Variants in AP5B1 observed in about 807,000 individuals in gnomAD.
AP5B1 encodes the protein AP-5 complex subunit beta-1.
AP5B1 carries 3 observed loss-of-function variants against 5.7 expected under a neutral mutation model. The observed-to-expected ratio is 0.53, with a 90% CI of 0.24 to 1.36. The LOEUF is 1.36. AP5B1 is among the 40% of genes most tolerant of loss of function. AP5B1 has a pLI of 0.17. For synonymous variants in AP5B1, 696 were observed against 555.5 expected (o/e 1.25, Z -3.56); for missense variants, 1,310 against 1,143.2 (o/e 1.15, Z -2.10).
rs1182153304 is a variant in AP5B1, at chr11:65,780,276, C to A, written c.217G>T (p.Val73Leu). The stretch of plus-strand genomic sequence containing the variant: ...GTGTCCAACAGGGAGGTGGCGGCCA[C>A]TTCGGCCGCAGAGGCGTCGGGCCAC... ...QLWPDASAAE[V>L]AATSLLDTLV... Residue 73 changes from valine to leucine, a missense_variant, in exon 2 of 2, where the codon GTG becomes TTG. Transcript: ENST00000532090. The A allele has an allele frequency of 6.7e-7, 1 of 1,503,476 alleles. No homozygotes were observed. The allele number at this position is 1,503,476 out of a possible 1,614,324, so 93.1% of individuals were successfully genotyped here. A position where few individuals can be genotyped will look rare whatever the true frequency, so the allele number is the denominator to read the frequency against.
chr11:65,778,044 G>T lies in AP5B1; in HGVS notation c.2449C>A (p.Pro817Thr). 3 of 1,612,680 alleles carry T rather than the reference G, an allele frequency of 1.9e-6. No homozygotes were observed. The highest frequency in any genetic ancestry group is 2.5e-6 in the Non-Finnish European group (3 of 1,179,816). Residue 817 changes from proline (P) to threonine (T), a missense_variant, in exon 2 of 2, where the codon CCT (proline) becomes ACT (threonine). Pro to Thr is a conservative substitution (Grantham distance 38). Coordinates refer to ENST00000532090, the MANE Select transcript of AP5B1 (RefSeq NM_138368.5). Reference protein sequence around the residue: ...LEGLVSRHLEPFVVVAQPPTS... With the variant: ...LEGLVSRHLETFVVVAQPPTS... ...GGAGGCTGGGCCACCACCACAAAAG[G>T]CTCCAGGTGGCGGGACACCAAGCCC...
Position 65,778,368 on chromosome 11 carries a change from C to G in AP5B1, c.2125G>C (p.Ala709Pro), listed in dbSNP as rs752542139. The G allele has an allele frequency of 1.1e-5, 17 of 1,608,006 alleles. No individual in the cohort carries two copies. The South Asian group carries it at 1.8e-4, about 17-fold the overall frequency. Residue 709 changes from alanine to proline, a missense_variant, in exon 2 of 2, where the codon GCT becomes CCT. Ala to Pro is a conservative substitution (Grantham distance 27, BLOSUM62 -1). Transcript: ENST00000532090. ...VEGQLYAPLEAVHVPCLCPGR... is the reference protein window; with the variant it reads ...VEGQLYAPLEPVHVPCLCPGR... ...GGACACAGGCAGGGCACATGGACAG[C>G]CTCCAGGGGTGCATACAGCTGTCCT... is the stretch of plus-strand genomic sequence containing the variant.
Position 65,777,784 on chromosome 11 carries a change from C to G in AP5B1, c.*72G>C. ...GGCACTGCGGAATGCAGGGTTTTGG[C>G]GACAGAGCTACAGGAGTGTGCCTTG... On this transcript the variant is annotated 3_prime_UTR_variant, in exon 2 of 2. Coordinates refer to ENST00000532090, the MANE Select transcript of AP5B1 (RefSeq NM_138368.5). 1 of 1,425,980 alleles carries G rather than the reference C, an allele frequency of 7.0e-7. No individual in the cohort carries two copies. Among genetic ancestry groups the G allele is most frequent in the Non-Finnish European group, 9.2e-7 (1 of 1,084,226 alleles). 88.3% of individuals were successfully genotyped at this position (1,425,980 alleles called of 1,614,324 possible). A position where few individuals can be genotyped will look rare whatever the true frequency, so the allele number is the denominator to read the frequency against.
rs771359788 is a variant in AP5B1, at chr11:65,779,646, G to A, written c.847C>T (p.Pro283Ser). ...QLLDTSYLLT[P>S]VAQAQLLWLL... ...CACAGGAGCTGGGCCTGGGCCACAGGAGTGAGCAGATAGGAGGTGTCCAGA... is the reference window on the plus strand; with the variant it reads ...CACAGGAGCTGGGCCTGGGCCACAGAAGTGAGCAGATAGGAGGTGTCCAGA... Residue 283 changes from proline (P) to serine (S), a missense_variant, in exon 2 of 2, where the codon CCT (proline) becomes TCT (serine). Transcript: ENST00000532090. 4 of 1,611,752 alleles carry A rather than the reference G, an allele frequency of 2.5e-6. No homozygotes were observed. Among genetic ancestry groups the A allele is most frequent in the Admixed American group, 1.7e-5 (1 of 59,964 alleles).
At position 65,780,232 on chromosome 11, in the gene AP5B1, CG is replaced by C. The variant is rs1857832359; in HGVS notation, c.260del (p.Pro87ArgfsTer71). On this transcript the variant is annotated frameshift_variant, in exon 2 of 2. Transcript: ENST00000532090. LOFTEE classifies it low-confidence loss of function (END_TRUNC). Reference sequence around the variant, plus strand: ...GTGGCCGACGGAGAGCTGAGGGCCGCGGGGGTAGGAGGACCAAGGTGTCCAA... The same window carrying C: ...GTGGCCGACGGAGAGCTGAGGGCCGCGGGGTAGGAGGACCAAGGTGTCCAA... ...SLLDTLVLLP[P>X]RPSALRRPLL... 2 of 1,512,162 alleles carry C rather than the reference CG, an allele frequency of 1.3e-6. No homozygotes were observed. Among genetic ancestry groups the C allele is most frequent in the Admixed American group, 2.3e-5 (1 of 43,814 alleles). The allele number at this position is 1,512,162 out of a possible 1,614,324, so 93.7% of individuals were successfully genotyped here.
Position 65,777,869 on chromosome 11 carries a change from G to A in AP5B1, c.2624C>T (p.Ala875Val), listed in dbSNP as rs1292450291. Residue 875 changes from alanine to valine, a missense_variant, in exon 2 of 2, where the codon GCG (alanine) becomes GTG (valine). Transcript: ENST00000532090. ...GTCTCCCGGGGCTCAGACAGCAGCC[G>A]CCAGCCCACGGAGGTAGTCCCCCGC... ...PLAGDYLRGL[A>V]AAV 1.7e-5 allele frequency: 26 copies of A among 1,528,098 alleles called. No individual in the cohort carries two copies. The highest frequency in any genetic ancestry group is 8.6e-5 in the South Asian group (7 of 81,020). 94.7% of individuals were successfully genotyped at this position (1,528,098 alleles called of 1,614,324 possible). A position where few individuals can be genotyped will look rare whatever the true frequency, so the allele number is the denominator to read the frequency against.
At position 65,778,441 on chromosome 11, in the gene AP5B1, C is replaced by T. The variant is rs755401624; in HGVS notation, c.2052G>A (p.Pro684=). 1.5e-5 allele frequency: 24 copies of T among 1,574,402 alleles called. No homozygotes were observed. Among genetic ancestry groups the T allele is most frequent in the Non-Finnish European group, 1.9e-5 (22 of 1,164,860 alleles). ...KGPLPVLKLQ[P]EALEPIYSLE... is the part of the protein sequence containing the mutation. ...GAGAGTAGATGGGCTCCAGCGCCTCCGGCTGGAGCTTCAACACTGGGAGTG... is the reference window on the plus strand; with the variant it reads ...GAGAGTAGATGGGCTCCAGCGCCTCTGGCTGGAGCTTCAACACTGGGAGTG... Residue 684 remains proline, a synonymous_variant, in exon 2 of 2, where the codon CCG becomes CCA. Coordinates refer to ENST00000532090, the MANE Select transcript of AP5B1 (RefSeq NM_138368.5).
rs1293822264 is a variant in AP5B1, at chr11:65,777,887, T to C, written c.2606A>G (p.Asp869Gly). Residue 869 changes from aspartate to glycine, a missense_variant, in exon 2 of 2, where the codon GAC (aspartate) becomes GGC (glycine). Transcript: ENST00000532090. ...AGCAGCCGCCAGCCCACGGAGGTAG[T>C]CCCCCGCCAGGGGCAGCACGGCCCA... is the stretch of plus-strand genomic sequence containing the variant. ...DDWAVLPLAG[D>G]YLRGLAAAV 1 of 1,541,504 alleles carries C rather than the reference T, an allele frequency of 6.5e-7. No individual in the cohort carries two copies. Among genetic ancestry groups the C allele is most frequent in the South Asian group, 1.2e-5 (1 of 83,150 alleles).
chr11:65,777,890 C>G lies in AP5B1; in HGVS notation c.2603G>C (p.Gly868Ala). 6.5e-7 allele frequency: 1 copy of G among 1,543,912 alleles called. No homozygotes were observed. The highest frequency in any genetic ancestry group is 8.7e-7 in the Non-Finnish European group (1 of 1,142,990). The change falls in exon 2 of 2, where the codon GGG (glycine) becomes GCG (alanine). Residue 868 changes from glycine to alanine, a missense_variant. Physicochemically the swap from Gly to Ala is moderately conservative, Grantham distance 60. Transcript: ENST00000532090. Reference sequence around the variant, plus strand: ...AGCCGCCAGCCCACGGAGGTAGTCCCCCGCCAGGGGCAGCACGGCCCAGTC... The same window carrying G: ...AGCCGCCAGCCCACGGAGGTAGTCCGCCGCCAGGGGCAGCACGGCCCAGTC... Reference protein sequence around the residue: ...TDDWAVLPLAGDYLRGLAAAV With the variant: ...TDDWAVLPLAADYLRGLAAAV
At position 65,778,098 on chromosome 11, in the gene AP5B1, A is replaced by C; in HGVS notation, c.2395T>G (p.Trp799Gly). The C allele has an allele frequency of 6.2e-7, 1 of 1,612,816 alleles. No individual in the cohort carries two copies. The highest frequency in any genetic ancestry group is 8.5e-7 in the Non-Finnish European group (1 of 1,179,878). The change falls in exon 2 of 2, where the codon TGG becomes GGG. Residue 799 changes from tryptophan (W) to glycine (G), a missense_variant. Trp to Gly is a radical substitution (Grantham distance 184, BLOSUM62 -2). Coordinates refer to ENST00000532090, the MANE Select transcript of AP5B1 (RefSeq NM_138368.5). ...CLPEGAESRV[W>G]CPLGPQGLEG... ...AGGCCCTGTGGCCCAAGTGGACACC[A>C]CACACGACTCTCAGCACCCTCTGGC...
rs144173622 is a variant in AP5B1, at chr11:65,775,153, G to A, written c.*2703C>T. 2.6e-5 allele frequency among the ~76,000 whole-genome samples: 4 copies of A among 152,250 alleles called. No individual in the cohort carries two copies. Among genetic ancestry groups the A allele is most frequent in the African/African-American group, 9.6e-5 (4 of 41,552 alleles). On this transcript the variant is annotated 3_prime_UTR_variant, in exon 2 of 2. Coordinates refer to ENST00000532090, the MANE Select transcript of AP5B1 (RefSeq NM_138368.5). The stretch of plus-strand genomic sequence containing the variant: ...TGTATCCCAGAGAATTGTCCCATGG[G>A]TCCATAGGGGCATATAAGAATGGCC...
At position 65,780,015 on chromosome 11, in the gene AP5B1, A is replaced by G; in HGVS notation, c.478T>C (p.Cys160Arg). Residue 160 changes from cysteine to arginine, a missense_variant, in exon 2 of 2, where the codon TGC becomes CGC. By Grantham distance (180) the Cys-to-Arg change is radical. Transcript: ENST00000532090. ...ACECLRELESCKPGLLGGSLG... is the reference protein window; with the variant it reads ...ACECLRELESRKPGLLGGSLG... ...GAGCCCCCCAGCAGCCCGGGCTTGC[A>G]GCTCTCTAGCTCTCGCAGGCACTCG... The G allele has an allele frequency of 1.3e-6, 2 of 1,559,268 alleles. No homozygotes were observed. The highest frequency in any genetic ancestry group is 1.7e-6 in the Non-Finnish European group (2 of 1,152,072).
rs1188315707 is a variant in AP5B1, at chr11:65,777,963, G to C, written c.2530C>G (p.Leu844Val). The C allele has an allele frequency of 6.3e-7, 1 of 1,596,390 alleles. No individual in the cohort carries two copies. The highest frequency in any genetic ancestry group is 1.8e-5 in the Admixed American group (1 of 56,398). ...ACTCCATCTGCCAGGGCCGCCTCCA[G>C]CCGCAGCAGCAGCTTTGAGTCCGGG... ...LPPDSKLLLR[L>V]EAALADGVPV... is the part of the protein sequence containing the mutation. The change falls in exon 2 of 2, where the codon CTG (leucine) becomes GTG (valine). Residue 844 changes from leucine (L) to valine (V), a missense_variant. Leu to Val is a conservative substitution (Grantham distance 32, BLOSUM62 1). Transcript: ENST00000532090.
At position 65,780,085 on chromosome 11, in the gene AP5B1, G is replaced by A. The variant is rs1266916182; in HGVS notation, c.408C>T (p.Gly136=). The change falls in exon 2 of 2, where the codon GGC becomes GGT. Residue 136 remains glycine (G), a synonymous_variant. Coordinates refer to ENST00000532090, the MANE Select transcript of AP5B1 (RefSeq NM_138368.5). ...GGCGCTGTTCCGAGGCGGGGACAAAGCCTCGCCCCAGATCGCTACCCGCGG... is the reference window on the plus strand; with the variant it reads ...GGCGCTGTTCCGAGGCGGGGACAAAACCTCGCCCCAGATCGCTACCCGCGG... The part of the protein sequence containing the change: ...GLAAGSDLGR[G]FVPASEQRPL... The A allele has an allele frequency of 2.6e-6, 4 of 1,537,346 alleles. No homozygotes were observed. The highest frequency in any genetic ancestry group is 2.5e-5 in the East Asian group (1 of 40,354).
In AP5B1 at chr11:65,778,982, A is replaced by C. The variant is rs746633800; in HGVS notation, c.1511T>G (p.Phe504Cys). The C allele has an allele frequency of 1.2e-6, 2 of 1,612,392 alleles. No individual in the cohort carries two copies. Among genetic ancestry groups the C allele is most frequent in the Non-Finnish European group, 1.7e-6 (2 of 1,179,682 alleles). The part of the protein sequence containing the change: ...YQARPMLAPH[F>C]VDLLDQVDSE... ...GTCCACCTGATCCAAGAGGTCCACA[A>C]AGTGGGGAGCCAGCATGGGCCGGGC... Residue 504 changes from phenylalanine (F) to cysteine (C), a missense_variant, in exon 2 of 2, where the codon TTT becomes TGT. Coordinates refer to ENST00000532090, the MANE Select transcript of AP5B1 (RefSeq NM_138368.5).
In AP5B1 at chr11:65,777,921, T is replaced by C. The variant is rs560198876; in HGVS notation, c.2572A>G (p.Thr858Ala). The C allele has an allele frequency of 4.5e-6, 7 of 1,560,328 alleles. No homozygotes were observed. Among genetic ancestry groups the C allele is most frequent in the Non-Finnish European group, 6.1e-6 (7 of 1,153,128 alleles). The change falls in exon 2 of 2, where the codon ACC becomes GCC. Residue 858 changes from threonine to alanine, a missense_variant. By Grantham distance (58) the Thr-to-Ala change is moderately conservative (BLOSUM62 0). Coordinates refer to ENST00000532090, the MANE Select transcript of AP5B1 (RefSeq NM_138368.5). ...AGGGGCAGCACGGCCCAGTCATCGG[T>C]CCGCAGGGCCACAGGCACTCCATCT... ...LADGVPVALRTDDWAVLPLAG... is the reference protein window; with the variant it reads ...LADGVPVALRADDWAVLPLAG...
In AP5B1 at chr11:65,779,746, CT is replaced by C; in HGVS notation, c.746del (p.Glu249GlyfsTer23). 1 of 1,594,870 alleles carries C rather than the reference CT, an allele frequency of 6.3e-7. No homozygotes were observed. The highest frequency in any genetic ancestry group is 8.5e-7 in the Non-Finnish European group (1 of 1,170,370). On this transcript the variant is annotated frameshift_variant, in exon 2 of 2. Coordinates refer to ENST00000532090, the MANE Select transcript of AP5B1 (RefSeq NM_138368.5). LOFTEE classifies it low-confidence loss of function (END_TRUNC). ...CTCGTGCTGTAAGGCTACGCTCCCC[CT>C]CTCCCTCCTCAGCTGCCGGCCAGCT... The part of the protein sequence containing the change: ...APSWPAAEEG[E>X]GERSLTAREH...
rs372484582 is a variant in AP5B1, at chr11:65,774,411, C to T, written c.*3445G>A. 3.9e-5 allele frequency among the ~76,000 whole-genome samples: 6 copies of T among 152,146 alleles called. No homozygotes were observed. The highest frequency in any genetic ancestry group is 1.4e-4 in the African/African-American group (6 of 41,510). On this transcript the variant is annotated 3_prime_UTR_variant, in exon 2 of 2. Transcript: ENST00000532090. The stretch of plus-strand genomic sequence containing the variant: ...TTTTGCCCCAAAACTGACCCCTTCA[C>T]ATTTCTTTTTTCTTTTTTGAGACGG...
At position 65,778,929 on chromosome 11, in the gene AP5B1, C is replaced by T. The variant is rs915120294; in HGVS notation, c.1564G>A (p.Val522Met). Reference sequence around the variant, plus strand: ...CTGGACACCACCACCTGCCGCAACACCACCTTCAGGGGCTCCCTCAGCTCA... The same window carrying T: ...CTGGACACCACCACCTGCCGCAACATCACCTTCAGGGGCTCCCTCAGCTCA... ...DSELREPLKV[V>M]LRQVVVSRPG... The change falls in exon 2 of 2, where the codon GTG (valine) becomes ATG (methionine). Residue 522 changes from valine to methionine, a missense_variant. Coordinates refer to ENST00000532090, the MANE Select transcript of AP5B1 (RefSeq NM_138368.5). The T allele has an allele frequency of 1.2e-6, 2 of 1,612,874 alleles. No homozygotes were observed. Among genetic ancestry groups the T allele is most frequent in the African/African-American group, 2.7e-5 (2 of 74,958 alleles).
Sources: gnomAD v4.1 joint callset for allele counts (sites outside exome capture counted in the v4.1 genomes callset) on GRCh38, gnomAD v4.1.1 for gene constraint, MANE v1.5 for transcripts, NCBI Gene and HGNC (gene_info 2026-07-23, HGNC 2026-07-21) for gene names.